Variants in HPSE2 observed in about 807,000 individuals in gnomAD.
The protein encoded by HPSE2 is inactive heparanase-2.
HPSE2 carries 38 observed loss-of-function variants against 60.5 expected under a neutral mutation model. The observed-to-expected ratio is 0.63, with a 90% CI of 0.48 to 0.82. HPSE2 has a LOEUF of 0.82. Among genes scored for constraint, HPSE2 ranks in the 40% least tolerant of loss-of-function variants. The pLI is 0.00. For missense variants in HPSE2, 713 were observed against 740.4 expected, an observed-to-expected ratio of 0.96 and a Z score of 0.43; for synonymous variants, 295 against 293.2, an observed-to-expected ratio of 1.01 and a Z score of -0.06.
intron 3 of HPSE2, among the ~76,000 whole-genome samples, chr10:99,039,375 C>T (rs899857791): frequency 2.6e-5 from 4 of 152,022 alleles, no homozygotes; most frequent in Non-Finnish European, 4.4e-5. Flanking sequence ...ACCAACCATG[C>T]CAAGCCTCTT....
rs1266837942 is a variant in HPSE2, at chr10:99,217,147, CT to C, written c.448+15200del. ...TCCCAGCTCCCCATGTTGTTTCTGCCTTTCGGTGAACATTTTCTCCTCTTGC... is the reference window on the plus strand; with the variant it reads ...TCCCAGCTCCCCATGTTGTTTCTGCCTTCGGTGAACATTTTCTCCTCTTGC... On this transcript the variant is annotated intron_variant, in intron 2 of 11. Coordinates refer to ENST00000370552, the MANE Select transcript of HPSE2 (RefSeq NM_021828.5). Among the ~76,000 whole-genome samples, 4 of 151,556 alleles carry C rather than the reference CT, an allele frequency of 2.6e-5. No individual in the cohort carries two copies. The East Asian group carries it at 7.8e-4, about 30-fold the overall frequency.
intron 4 of HPSE2, among the ~76,000 whole-genome samples, chr10:98,731,704 G>C (rs1379559139): frequency 6.6e-6 from 1 of 152,126 alleles, no homozygotes; most frequent in Non-Finnish European, 1.5e-5. Flanking sequence ...GTGCCCCTAA[G>C]ACTAAGGAGA....
At chr10:98,635,198 G>C (rs1034001340) in intron 7 of HPSE2, among the ~76,000 whole-genome samples, 1 of 152,122 alleles carries the variant, frequency 6.6e-6, no homozygotes, top group Non-Finnish European at 1.5e-5. Flanking sequence ...AGGAAATGAA[G>C]GCAAATAGAA....
chr10:98,826,677 C>T (rs927077670), intron 3 of HPSE2, among the ~76,000 whole-genome samples: 5 of 152,006 alleles, frequency 3.3e-5, no homozygotes, highest in African/African-American at 1.2e-4. Flanking sequence ...AAGAAGAGAC[C>T]CAGTAAAGAG....
chr10:99,284,029 C>G, the HPSE2 span, among the ~76,000 whole-genome samples: 2 of 152,110 alleles, frequency 1.3e-5, no homozygotes, highest in Admixed American at 1.3e-4. Context: ...ACTCACTCTA[C>G]AAGGCCACCA....
chr10:98,895,262 T>C (rs891847943), intron 3 of HPSE2, among the ~76,000 whole-genome samples: 5 of 152,054 alleles, frequency 3.3e-5, no homozygotes, highest in Admixed American at 6.6e-5. Context: ...AAATAGCATA[T>C]AGAAAATACA....
At chr10:98,708,833 C>T (rs1028400313) in intron 5 of HPSE2, among the ~76,000 whole-genome samples, 1 of 152,062 alleles carries the variant, frequency 6.6e-6, no homozygotes, top group East Asian at 1.9e-4. Context: ...CAGAAGTCTT[C>T]GAATAATATT....
At chr10:98,694,650 G>A (rs889854509) in intron 5 of HPSE2, among the ~76,000 whole-genome samples, 2 of 152,166 alleles carry the variant, frequency 1.3e-5, no homozygotes, top group African/African-American at 4.8e-5. Flanking sequence ...GTTTCTGGAG[G>A]CTTCAGGAAA....
intron 6 of HPSE2, among the ~76,000 whole-genome samples, chr10:98,658,300 T>C (rs1947131249): frequency 1.3e-5 from 2 of 152,268 alleles, no homozygotes; most frequent in East Asian, 3.8e-4. Context: ...AATTCATAAA[T>C]GAATGAGCAT....
At chr10:98,987,552 A>C (rs1364531431) in intron 3 of HPSE2, among the ~76,000 whole-genome samples, 1 of 152,224 alleles carries the variant, frequency 6.6e-6, no homozygotes, top group Non-Finnish European at 1.5e-5. Flanking sequence ...GAATGGGCAA[A>C]AACTGGAAGC....
intron 3 of HPSE2, among the ~76,000 whole-genome samples, chr10:99,004,324 T>C (rs918469342): frequency 6.6e-6 from 1 of 151,946 alleles, no homozygotes; most frequent in African/African-American, 2.4e-5. Context: ...GTTTTGTTTT[T>C]AGAACCTCTT....
At chr10:99,298,596 C>G in the HPSE2 span, among the ~76,000 whole-genome samples, 1 of 151,924 alleles carries the variant, frequency 6.6e-6, no homozygotes, top group African/African-American at 2.4e-5. Flanking sequence ...GGTTCTTTGT[C>G]ATAATGATAC....
intron 9 of HPSE2, among the ~76,000 whole-genome samples, chr10:98,606,719 T>C (rs959001002): frequency 6.6e-6 from 1 of 152,198 alleles, no homozygotes; most frequent in African/African-American, 2.4e-5. Context: ...TTTAAAAAAA[T>C]GTTATAGTGT....
intron 1 of HPSE2, among the ~76,000 whole-genome samples, chr10:99,233,155 C>A (rs544676454): frequency 5.9e-5 from 9 of 152,298 alleles, no homozygotes; most frequent in South Asian, 2.1e-4. Flanking sequence ...CGGAGAGATC[C>A]CCAGGGTAAA....
At chr10:99,216,615 T>C (rs141585687) in intron 2 of HPSE2, among the ~76,000 whole-genome samples, 4 of 152,364 alleles carry the variant, frequency 2.6e-5, no homozygotes, top group Non-Finnish European at 5.9e-5. Flanking sequence ...TCTTCCTCTG[T>C]AATTTGCCTG....
intron 9 of HPSE2, among the ~76,000 whole-genome samples, chr10:98,511,803 G>C (rs1203314841): frequency 6.6e-6 from 1 of 152,134 alleles, no homozygotes; most frequent in African/African-American, 2.4e-5. Flanking sequence ...CAAAGGTCAT[G>C]GTTTTCCTGG....
the HPSE2 span, among the ~76,000 whole-genome samples, chr10:99,244,975 C>T: frequency 6.6e-6 from 1 of 152,028 alleles, no homozygotes; most frequent in South Asian, 2.1e-4. Flanking sequence ...AGCCCTGTCA[C>T]CAAATTTTCT....
At chr10:98,723,364 G>A (rs974493924) in intron 4 of HPSE2, among the ~76,000 whole-genome samples, 5 of 141,482 alleles carry the variant, frequency 3.5e-5, no homozygotes, top group Non-Finnish European at 7.9e-5. Flanking sequence ...AATTCGGTTT[G>A]CCAGTATCTT....
intron 3 of HPSE2, among the ~76,000 whole-genome samples, chr10:98,955,376 A>G (rs1341808736): frequency 1.3e-5 from 2 of 152,206 alleles, no homozygotes; most frequent in African/African-American, 4.8e-5. Flanking sequence ...ATCAGTGATC[A>G]TTAGAGAAAT....
Sources: gnomAD v4.1 joint callset for allele counts (sites outside exome capture counted in the v4.1 genomes callset) on GRCh38, gnomAD v4.1.1 for gene constraint, MANE v1.5 for transcripts, NCBI Gene and HGNC (gene_info 2026-07-23, HGNC 2026-07-21) for gene names.